ADGRF1: variants seen among roughly 807,000 people sequenced by gnomAD.
ADGRF1 encodes adhesion G protein-coupled receptor F1.
In ADGRF1, 85 loss-of-function variants were observed where a neutral mutation model predicts 87.2. The ratio of observed to expected loss-of-function variants is 0.97; its 90% CI spans 0.82 to 1.17. ADGRF1 has a LOEUF of 1.17. ADGRF1 is among the 50% of genes most tolerant of loss of function. The probability of loss-of-function intolerance (pLI) is 0.00; values close to 1 mark genes in which losing one functional copy is unlikely to be tolerated. For synonymous variants in ADGRF1, 430 were observed against 408.8 expected (o/e 1.05, Z -0.63); for missense variants, 1,169 against 1,077.2 (o/e 1.09, Z -1.19).
chr6:47,012,611 G>A lies in ADGRF1; in HGVS notation c.928-416C>T, dbSNP rs1006938835. 2.3e-5 allele frequency: 22 copies of A among 964,260 alleles called. No individual in the cohort carries two copies. The African/African-American group carries it at 3.7e-4, about 16-fold the overall frequency. The allele number at this position is 964,260 out of a possible 1,614,324, so 59.7% of individuals were successfully genotyped here. A position where few individuals can be genotyped will look rare whatever the true frequency, so the allele number is the denominator to read the frequency against. On this transcript the variant is annotated intron_variant, in intron 9 of 14. Coordinates refer to ENST00000371253, the MANE Select transcript of ADGRF1 (RefSeq NM_153840.4). ...CAATGAGATTTAATGACCTTCCAAA[G>A]AGCACTCAGCGGAAAATGTTAGGGT...
intron 9 of ADGRF1, 77 bp downstream of exon 9, chr6:47,014,604 A>T (rs1779806453): frequency 6.4e-7 from 1 of 1,559,204 alleles, no homozygotes; most frequent in African/African-American, 1.4e-5. Flanking sequence ...CTTACCCTCC[A>T]CCTAGCCATG....
rs529737923 is a variant in ADGRF1, at chr6:47,015,846, C to T, written c.763+771G>A. On this transcript the variant is annotated intron_variant, in intron 8 of 14. Transcript: ENST00000371253. ...CTTCTGATCTCAGGCAATCTGCCCTCTTTGGCCTCCCAAAGTTTTGGGATT... is the reference window on the plus strand; with the variant it reads ...CTTCTGATCTCAGGCAATCTGCCCTTTTTGGCCTCCCAAAGTTTTGGGATT... Among the ~76,000 whole-genome samples, 7 of 151,912 alleles carry T rather than the reference C, an allele frequency of 4.6e-5. No individual in the cohort carries two copies. In the South Asian group the frequency reaches 1.5e-3, roughly 32 times the overall value.
At chr6:47,001,266 A>G (rs1779356333) in intron 14 of ADGRF1, among the ~76,000 whole-genome samples, 1 of 152,236 alleles carries the variant, frequency 6.6e-6, no homozygotes. Flanking sequence ...GGAAATAGAG[A>G]TAATTTGTGA....
chr6:47,016,747 C>T lies in ADGRF1; in HGVS notation c.633G>A (p.Gly211=). Residue 211 remains glycine, a synonymous_variant, in exon 8 of 15, where the codon GGG becomes GGA. Coordinates refer to ENST00000371253, the MANE Select transcript of ADGRF1 (RefSeq NM_153840.4). Reference sequence around the variant, plus strand: ...CACTGCTGGAGCCAACAACTTCATACCCAGCAACGATGCTTCCATTTCTGC... The same window carrying T: ...CACTGCTGGAGCCAACAACTTCATATCCAGCAACGATGCTTCCATTTCTGC... ...TQFRNGSIVA[G]YEVVGSSSAS... is the part of the protein sequence containing the mutation. The T allele has an allele frequency of 6.3e-7, 1 of 1,591,412 alleles. No individual in the cohort carries two copies. The highest frequency in any genetic ancestry group is 8.6e-7 in the Non-Finnish European group (1 of 1,164,856).
At chr6:47,012,571 A>G in intron 9 of ADGRF1, 2 of 761,228 alleles carry the variant, frequency 2.6e-6, no homozygotes, top group Non-Finnish European at 1.6e-6. Context: ...TCTTAATTAT[A>G]CAGAAACTCA....
intron 9 of ADGRF1, 164 bp from the exon 10 acceptor site, chr6:47,012,359 T>C (rs1779734369): frequency 7.7e-7 from 1 of 1,294,860 alleles, no homozygotes; most frequent in Admixed American, 3.2e-5. Context: ...GTGATTTCTA[T>C]ATTTTAGACA....
intron 12 of ADGRF1, 53 bp from the exon 13 acceptor site, chr6:47,005,929 A>T (rs2113876884): frequency 8.4e-7 from 1 of 1,194,410 alleles, no homozygotes; most frequent in East Asian, 2.4e-5. Flanking sequence ...TCATACACAG[A>T]CAAATCAAGA....
chr6:47,021,527 T>C (rs1025468413), intron 6 of ADGRF1, among the ~76,000 whole-genome samples: 3 of 152,082 alleles, frequency 2.0e-5, no homozygotes, highest in African/African-American at 7.2e-5. Flanking sequence ...GCCCTGCTAA[T>C]TTTTGTGTTT....
chr6:47,013,753 A>T, intron 9 of ADGRF1: 1 of 616,616 alleles, frequency 1.6e-6, no homozygotes, highest in South Asian at 7.2e-5. Context: ...AGATGATTGG[A>T]TCATGGAGGT....
intron 8 of ADGRF1, among the ~76,000 whole-genome samples, chr6:47,016,177 T>C (rs1779870329): frequency 6.6e-6 from 1 of 152,164 alleles, no homozygotes; most frequent in South Asian, 2.1e-4. Context: ...TAAGATTGAA[T>C]GTAAAAGAAA....
intron 9 of ADGRF1, chr6:47,013,418 C>T (rs1303571596): frequency 3.0e-5 from 30 of 985,270 alleles, no homozygotes; most frequent in Non-Finnish European, 3.5e-5. Context: ...ATTCCACAGT[C>T]CTCTGATGAA....
intron 4 of ADGRF1, 48 bp downstream of exon 4, chr6:47,025,806 A>G (rs1403830588): frequency 1.3e-6 from 2 of 1,517,074 alleles, no homozygotes; most frequent in South Asian, 2.6e-5. Flanking sequence ...CCTGACTGAT[A>G]TACCCGCCTT....
Position 47,005,885 on chromosome 6 carries a change from G to T in ADGRF1, c.2533-9C>A. ...AACAGAAGTTGTCGCAGCTATAAGG[G>T]CAACAAAGAAATATTGAGGAGATAC... On this transcript the variant is annotated splice_polypyrimidine_tract_variant and intron_variant, in intron 12 of 14. Coordinates refer to ENST00000371253, the MANE Select transcript of ADGRF1 (RefSeq NM_153840.4). 6.2e-7 allele frequency: 1 copy of T among 1,604,030 alleles called. No individual in the cohort carries two copies.
At chr6:47,031,331 T>TTCTC (rs368788829) in intron 1 of ADGRF1, among the ~76,000 whole-genome samples, 87 of 128,276 alleles carry the variant, frequency 6.8e-4, no homozygotes, top group African/African-American at 7.9e-4. Context: ...TCTCTCTCTC[T>TTCTC]TCTCTCTCTC....
intron 1 of ADGRF1, 78 bp from the exon 2 acceptor site, chr6:47,029,182 G>A (rs1382809097): frequency 2.1e-5 from 16 of 778,678 alleles, no homozygotes; most frequent in Non-Finnish European, 3.5e-5. Flanking sequence ...TGCACAAAGT[G>A]GTAAGGCCTC....
chr6:47,014,179 G>T lies in ADGRF1; in HGVS notation c.927+502C>A, dbSNP rs960795575. ...CCCTTGGTCTTTTGTTTTCTGATCTGCAAAATGAGGTTGGTAAACCAGATG... is the reference window on the plus strand; with the variant it reads ...CCCTTGGTCTTTTGTTTTCTGATCTTCAAAATGAGGTTGGTAAACCAGATG... On this transcript the variant is annotated intron_variant, in intron 9 of 14. Coordinates refer to ENST00000371253, the MANE Select transcript of ADGRF1 (RefSeq NM_153840.4). 9 of 875,098 alleles carry T rather than the reference G, an allele frequency of 1.0e-5. No homozygotes were observed. The African/African-American group carries it at 1.1e-4, about 11-fold the overall frequency. The allele number at this position is 875,098 out of a possible 1,614,324, so 54.2% of individuals were successfully genotyped here. A position where few individuals can be genotyped will look rare whatever the true frequency, so the allele number is the denominator to read the frequency against.
intron 5 of ADGRF1, among the ~76,000 whole-genome samples, chr6:47,022,484 A>G (rs1780089219): frequency 6.6e-6 from 1 of 152,330 alleles, no homozygotes; most frequent in Non-Finnish European, 1.5e-5. Flanking sequence ...CTGCAATGGG[A>G]CAATTCTCTG....
At chr6:47,023,802 G>T (rs1008682695) in intron 5 of ADGRF1, among the ~76,000 whole-genome samples, 7 of 152,170 alleles carry the variant, frequency 4.6e-5, no homozygotes, top group African/African-American at 1.7e-4. Flanking sequence ...TCATATGATT[G>T]CAGAGCTGAG....
chr6:47,016,582 C>T (rs781619630), intron 8 of ADGRF1, 35 bp downstream of exon 8: 1 of 1,554,084 alleles, frequency 6.4e-7, no homozygotes, highest in South Asian at 1.2e-5. Context: ...AAAGGACTCT[C>T]TTAACCTAAG....
Sources: allele counts gnomAD v4.1 joint callset (sites outside exome capture counted in the v4.1 genomes callset), GRCh38; gene constraint gnomAD v4.1.1; transcripts MANE v1.5; gene names NCBI Gene and HGNC (gene_info 2026-07-23, HGNC 2026-07-21).